The following TBATA variants were observed in gnomAD, a reference collection of about 807,000 sequenced individuals.
TBATA encodes the protein protein TBATA.
TBATA carries 47 observed loss-of-function variants against 38.7 expected under a neutral mutation model. The ratio of observed to expected loss-of-function variants is 1.21; its 90% confidence interval spans 0.96 to 1.55. The LOEUF is 1.55. TBATA is among the 40% of genes most tolerant of loss of function. The pLI, the probability that TBATA is intolerant of heterozygous loss-of-function variation, is 0.00. For synonymous variants in TBATA, 183 were observed against 170.5 expected (o/e 1.07, Z -0.57); for missense variants, 436 against 435.6 (o/e 1.00, Z -0.01).
At chr10:70,777,811 G>A (rs1163592809) in intron 6 of TBATA, 1 of 455,702 alleles carries the variant, frequency 2.2e-6, no homozygotes, top group African/African-American at 2.0e-5. Context: ...GAGGCCTGGT[G>A]CCTGGGGCCT....
chr10:70,782,522 A>G, intron 3 of TBATA: 8 of 1,272,918 alleles, frequency 6.3e-6, no homozygotes, highest in African/African-American at 1.5e-5. Context: ...GCTCAGACTC[A>G]GCGTCCAGAG....
rs1175785762 is a variant in TBATA at position 70,784,657 on chromosome 10, T to C, written c.-157A>G. On this transcript the variant is annotated 5_prime_UTR_variant, in exon 2 of 11. Transcript: ENST00000456372. ...GGCAGTCTGACTCACAGTTTGCTGA[T>C]CTTTTCTTTCCTTAAAAGGAAGCTC... is the stretch of plus-strand genomic sequence containing the variant. 1.3e-5 allele frequency: 2 copies of C among 152,164 alleles called. No individual in the cohort carries two copies. Among genetic ancestry groups the C allele is most frequent in the East Asian group, 1.9e-4 (1 of 5,180 alleles). The allele number at this position is 152,164 out of a possible 1,614,324, so 9.4% of individuals were successfully genotyped here.
chr10:70,778,703 G>C, intron 5 of TBATA, 67 bp from the exon 6 acceptor site: 1 of 1,411,056 alleles, frequency 7.1e-7, no homozygotes, highest in Non-Finnish European at 1.0e-6. Context: ...TGTGCCACCA[G>C]GCCTTGGTAG....
Position 70,771,355 on chromosome 10 carries a change from A to C in TBATA, c.*21T>G. ...CCTTGGGGCTGCTCTTGAGCAAGGCAGGTGCAAGTGTTAGGGCCCCTCAGC... is the reference window on the plus strand; with the variant it reads ...CCTTGGGGCTGCTCTTGAGCAAGGCCGGTGCAAGTGTTAGGGCCCCTCAGC... On this transcript the variant is annotated 3_prime_UTR_variant, in exon 11 of 11. Coordinates refer to ENST00000456372, the MANE Select transcript of TBATA (RefSeq NM_001318241.2). 6.2e-7 allele frequency: 1 copy of C among 1,614,172 alleles called. No individual in the cohort carries two copies. The highest frequency in any genetic ancestry group is 8.5e-7 in the Non-Finnish European group (1 of 1,180,002).
intron 7 of TBATA, among the ~76,000 whole-genome samples, chr10:70,776,764 G>A (rs1207720578): frequency 5.3e-5 from 8 of 152,178 alleles, no homozygotes; most frequent in African/African-American, 1.4e-4. Flanking sequence ...CAGGCCCCTC[G>A]CTGAGTGTGG....
intron 5 of TBATA, 170 bp from the exon 6 acceptor site, chr10:70,778,806 C>A: frequency 1.4e-6 from 1 of 700,038 alleles, no homozygotes; most frequent in Admixed American, 2.0e-5. Context: ...GGATTCACAC[C>A]ATGGGTGGTG....
chr10:70,772,714 G>A (rs1842915844), intron 9 of TBATA, 148 bp from the exon 10 acceptor site: 1 of 844,388 alleles, frequency 1.2e-6, no homozygotes, highest in Non-Finnish European at 2.0e-6. Context: ...CCTCCTGGAG[G>A]GCCAGAAAAC....
In TBATA at chr10:70,783,425, G is replaced by A. The variant is rs76190562; in HGVS notation, c.-46C>T. The A allele has an allele frequency of 4.8e-3, 7,738 of 1,601,746 alleles. 321 individuals are homozygous for A. In the African/African-American group the frequency reaches 0.091, roughly 19 times the overall value. ...AAAGGCCAGTGCACTTAATACTAGC[G>A]TTGAGGATGCAGAACAGGAACTCTC... On this transcript the variant is annotated 5_prime_UTR_variant, in exon 3 of 11. The change creates a new upstream start codon in the 5' untranslated region. Coordinates refer to ENST00000456372, the MANE Select transcript of TBATA (RefSeq NM_001318241.2).
At chr10:70,778,807 A>G in intron 5 of TBATA, 171 bp from the exon 6 acceptor site, 2 of 565,396 alleles carry the variant, frequency 3.5e-6, no homozygotes, top group Non-Finnish European at 6.7e-6. Context: ...GATTCACACC[A>G]TGGGTGGTGG....
intron 3 of TBATA, chr10:70,782,334 A>G: frequency 7.0e-7 from 1 of 1,424,030 alleles, no homozygotes; most frequent in Non-Finnish European, 9.3e-7. Flanking sequence ...GAAACCAGAA[A>G]GAGAAGCTGC....
rs900078430 is a variant in TBATA, at chr10:70,782,693, T to C, written c.41+646A>G. The C allele has an allele frequency of 5.2e-6, 5 of 967,470 alleles. No homozygotes were observed. In the African/African-American group the frequency reaches 8.8e-5, roughly 17 times the overall value. 59.9% of individuals were successfully genotyped at this position (967,470 alleles called of 1,614,324 possible). A position where few individuals can be genotyped will look rare whatever the true frequency, so the allele number is the denominator to read the frequency against. On this transcript the variant is annotated intron_variant, in intron 3 of 10. Transcript: ENST00000456372. ...GCTGGAGACAAGCCAGCTTGGGTCC[T>C]CTCTCCTCTACCCCACACCCCTCCC...
intron 3 of TBATA, among the ~76,000 whole-genome samples, chr10:70,783,128 T>C (rs1844464901): frequency 6.6e-6 from 1 of 152,202 alleles, no homozygotes; most frequent in South Asian, 2.1e-4. Flanking sequence ...CTCAAGTCTT[T>C]TCCCTGCCCA....
chr10:70,782,227 T>A, intron 3 of TBATA, 191 bp from the exon 4 acceptor site: 3 of 1,374,452 alleles, frequency 2.2e-6, no homozygotes, highest in Non-Finnish European at 3.0e-6. Flanking sequence ...ACTGGTGCAA[T>A]CCTGTCCTGG....
At chr10:70,781,649 C>T (rs1564595668) in intron 4 of TBATA, 152 bp downstream of exon 4, 12 of 738,500 alleles carry the variant, frequency 1.6e-5, no homozygotes, top group Non-Finnish European at 2.5e-5. Context: ...ACTGAGCAGT[C>T]CTGGCTGGGT....
chr10:70,775,385 C>G, intron 7 of TBATA, 115 bp from the exon 8 acceptor site: 1 of 795,760 alleles, frequency 1.3e-6, no homozygotes, highest in South Asian at 1.6e-5. Flanking sequence ...CCCAGAGGCG[C>G]CTGCTGGGCT....
Position 70,774,196 on chromosome 10 carries a change from CG to C in TBATA, c.920+16del. 6.2e-7 allele frequency: 1 copy of C among 1,610,432 alleles called. No homozygotes were observed. The highest frequency in any genetic ancestry group is 8.5e-7 in the Non-Finnish European group (1 of 1,179,040). The stretch of plus-strand genomic sequence containing the variant: ...GACAGAAGGCTGCAGAAGGGCAGGG[CG>C]GGGTGCGGGGCCCACCTGCAGGGTG... On this transcript the variant is annotated intron_variant, in intron 9 of 10. Coordinates refer to ENST00000456372, the MANE Select transcript of TBATA (RefSeq NM_001318241.2).
At chr10:70,783,273 T>G (rs1248537812) in intron 3 of TBATA, 66 bp downstream of exon 3, 10 of 1,588,230 alleles carry the variant, frequency 6.3e-6, no homozygotes, top group Non-Finnish European at 8.6e-6. Context: ...CAAGGCCACC[T>G]TTGTCTTCTA....
intron 6 of TBATA, 89 bp from the exon 7 acceptor site, chr10:70,777,427 CAA>C: frequency 2.4e-6 from 3 of 1,267,590 alleles, no homozygotes; most frequent in Non-Finnish European, 3.3e-6. Context: ...GGCCGGGTCA[CAA>C]TCCCAGGGCA....
At chr10:70,783,051 C>G (rs1400147956) in intron 3 of TBATA, among the ~76,000 whole-genome samples, 2 of 152,256 alleles carry the variant, frequency 1.3e-5, no homozygotes, top group Non-Finnish European at 2.9e-5. Context: ...CTTCTACCCC[C>G]AAGTAACAGA....
Sources: gnomAD v4.1 joint callset for allele counts (sites outside exome capture counted in the v4.1 genomes callset) on GRCh38, gnomAD v4.1.1 for gene constraint, MANE v1.5 for transcripts, NCBI Gene and HGNC (gene_info 2026-07-23, HGNC 2026-07-21) for gene names.